The following ATP6AP2 variants were observed in gnomAD, a reference collection of about 807,000 sequenced individuals.
The protein encoded by ATP6AP2 is renin receptor.
Under a neutral mutation model 23.4 loss-of-function variants are expected in ATP6AP2, and 1 was observed. That is an observed-to-expected ratio of 0.04 (90% CI 0.02 to 0.20). The LOEUF is 0.20. Among genes scored for constraint, ATP6AP2 ranks in the 10% least tolerant of loss-of-function variants. The pLI, the probability that ATP6AP2 is intolerant of heterozygous loss-of-function variation, is 1.00. For missense variants in ATP6AP2, 174 were observed against 271.3 expected, an observed-to-expected ratio of 0.64 and a Z score of 2.52; for synonymous variants, 90 against 97.1, an observed-to-expected ratio of 0.93 and a Z score of 0.43.
At chrX:40,596,043 G>A (rs1332275543) in intron 3 of ATP6AP2, 1 of 110,452 alleles carries the variant, frequency 9.1e-6, no homozygotes, top group Non-Finnish European at 1.9e-5. Flanking sequence ...GCCAGGCGTG[G>A]TGGTGCGTGC....
chrX:40,592,256 A>G (rs1926652484), intron 3 of ATP6AP2: 1 of 112,551 alleles, frequency 8.9e-6, no homozygotes, highest in African/African-American at 3.2e-5. Flanking sequence ...CACCTGAAGG[A>G]AAAAAAATGC....
At chrX:40,597,445 A>T in intron 4 of ATP6AP2, 82 bp from the exon 5 acceptor site, 6 of 1,089,111 alleles carry the variant, frequency 5.5e-6, no homozygotes, top group Non-Finnish European at 7.6e-6. Context: ...AAACTAATTT[A>T]TGAACAATGT....
At chrX:40,584,203 A>G (rs894530990) in intron 1 of ATP6AP2, among the ~76,000 whole-genome samples, 1 of 110,067 alleles carries the variant, frequency 9.1e-6, no homozygotes, top group African/African-American at 3.3e-5. Flanking sequence ...CAGCCTCCCT[A>G]GTAGCTGGGA....
At chrX:40,597,711 CT>C in intron 5 of ATP6AP2, 47 bp downstream of exon 5, 2 of 1,151,260 alleles carry the variant, frequency 1.7e-6, no homozygotes, top group Non-Finnish European at 2.4e-6. Flanking sequence ...TAATTTCCGT[CT>C]TTTTAAAAAA....
chrX:40,589,105 T>C lies in ATP6AP2; in HGVS notation c.157T>C (p.Ser53Pro), dbSNP rs773897677. The C allele has an allele frequency of 2.5e-6, 3 of 1,210,006 alleles. No individual in the cohort carries two copies. Among genetic ancestry groups the C allele is most frequent in the Admixed American group, 4.3e-5 (2 of 46,024 alleles). ...CGTGGCTGCATTGTCCATGGGCTTC[T>C]CTGTGAAAGAAGTATGTATATATTT... ...PDVAALSMGF[S>P]VKEDLSWPGL... is the part of the protein sequence containing the mutation. Residue 53 changes from serine (S) to proline (P), a missense_variant, in exon 2 of 9, where the codon TCT (serine) becomes CCT (proline). By Grantham distance (74) the Ser-to-Pro change is moderately conservative. Transcript: ENST00000636580.
chrX:40,594,855 T>C (rs147531459), intron 3 of ATP6AP2, among the ~76,000 whole-genome samples: 2,071 of 111,783 alleles, frequency 0.019, 49 homozygotes, highest in African/African-American at 0.064. Flanking sequence ...AATTGGGAGG[T>C]GCAGCTAACG....
chrX:40,591,505 A>G (rs1926627730), intron 3 of ATP6AP2, 140 bp downstream of exon 3: 3 of 764,449 alleles, frequency 3.9e-6, no homozygotes, highest in African/African-American at 2.1e-5. Context: ...GACAAACACA[A>G]TTTCTTTTTA....
At chrX:40,602,169 C>T in intron 8 of ATP6AP2, among the ~76,000 whole-genome samples, 1 of 99,652 alleles carries the variant, frequency 1.0e-5, no homozygotes, top group Middle Eastern at 4.7e-3. Flanking sequence ...GTAATCCCAG[C>T]TACTTGGAAG....
At chrX:40,604,246 CTG>C (rs1927013978) in intron 8 of ATP6AP2, among the ~76,000 whole-genome samples, 1 of 111,663 alleles carries the variant, frequency 9.0e-6, no homozygotes, top group Admixed American at 9.5e-5. Flanking sequence ...AATAATAACA[CTG>C]TATAGCTCCG....
chrX:40,581,882 T>C (rs1015243386), intron 1 of ATP6AP2, among the ~76,000 whole-genome samples: 25 of 112,157 alleles, frequency 2.2e-4, no homozygotes, highest in African/African-American at 6.8e-4. Context: ...CATCTTTGTT[T>C]TGCAGGGTGA....
chrX:40,586,097 A>T (rs2146536833), intron 1 of ATP6AP2, among the ~76,000 whole-genome samples: 1 of 110,895 alleles, frequency 9.0e-6, no homozygotes, highest in African/African-American at 3.3e-5. Context: ...GAGGGAAAAA[A>T]CTGGTGGTTT....
At chrX:40,599,418 C>T in intron 6 of ATP6AP2, 174 bp from the exon 7 acceptor site, 2 of 507,996 alleles carry the variant, frequency 3.9e-6, no homozygotes, top group Non-Finnish European at 6.6e-6. Context: ...TTATCAGAAA[C>T]GCTTATTCAA....
intron 8 of ATP6AP2, among the ~76,000 whole-genome samples, chrX:40,602,932 T>G (rs865909422): frequency 3.2e-5 from 2 of 62,585 alleles, no homozygotes; most frequent in Admixed American, 2.0e-4. Flanking sequence ...TTTTTTTTTT[T>G]TTTTTTTTTG....
chrX:40,601,535 G>A (rs1926904908), intron 8 of ATP6AP2, among the ~76,000 whole-genome samples: 2 of 111,882 alleles, frequency 1.8e-5, no homozygotes, highest in African/African-American at 3.3e-5. Context: ...GCTGGCCATG[G>A]TAAAATACAT....
chrX:40,586,220 C>T (rs892272242), intron 1 of ATP6AP2, among the ~76,000 whole-genome samples: 6 of 111,668 alleles, frequency 5.4e-5, no homozygotes, highest in Non-Finnish European at 1.1e-4. Context: ...CTGAAATCCC[C>T]GCCTTCATGG....
rs1458701164 is a variant in ATP6AP2, at chrX:40,591,589, GAGAT to G, written c.300+228_300+231del. On this transcript the variant is annotated intron_variant, in intron 3 of 8. Transcript: ENST00000636580. ...TGGATGAGAGTACTGTTTAAGATAA[GAGAT>G]AGAGAAATTGCCCCACTCAGAATAG... 24 of 392,907 alleles carry G rather than the reference GAGAT, an allele frequency of 6.1e-5. No individual in the cohort carries two copies. The South Asian group carries it at 6.8e-4, about 11-fold the overall frequency. The allele number at this position is 392,907 out of a possible 1,213,427, so 32.4% of individuals were successfully genotyped here.
chrX:40,586,866 C>T (rs1926486641), intron 1 of ATP6AP2, among the ~76,000 whole-genome samples: 1 of 112,443 alleles, frequency 8.9e-6, no homozygotes, highest in East Asian at 2.8e-4. Context: ...GAAGTTGAAA[C>T]TACGAAGCTG....
chrX:40,583,143 G>A (rs1052486623), intron 1 of ATP6AP2, among the ~76,000 whole-genome samples: 1 of 112,301 alleles, frequency 8.9e-6, no homozygotes, highest in Non-Finnish European at 1.9e-5. Flanking sequence ...ATCATGAGGC[G>A]TATTTGATAA....
chrX:40,584,261 T>C (rs1284641275), intron 1 of ATP6AP2, among the ~76,000 whole-genome samples: 2 of 110,207 alleles, frequency 1.8e-5, no homozygotes, highest in African/African-American at 6.6e-5. Context: ...TTTGTTTTTG[T>C]AGAGATGAGG....
Sources: allele counts gnomAD v4.1 joint callset (sites outside exome capture counted in the v4.1 genomes callset), GRCh38; gene constraint gnomAD v4.1.1; transcripts MANE v1.5; gene names NCBI Gene and HGNC (gene_info 2026-07-23, HGNC 2026-07-21).